Variants in SUGCT observed in about 807,000 individuals in gnomAD.
The protein encoded by SUGCT is succinyl-CoA:glutarate-CoA transferase.
A neutral mutation model predicts 55.0 loss-of-function variants in SUGCT; 41 were observed. The observed-to-expected ratio is 0.74, with a 90% CI of 0.58 to 0.97. SUGCT has a LOEUF of 0.97. Ranked by LOEUF, SUGCT falls within the 50% of genes least tolerant of loss-of-function variation. The pLI, the probability that SUGCT is intolerant of heterozygous loss-of-function variation, is 0.00. For synonymous variants in SUGCT, 187 were observed against 200.4 expected (o/e 0.93, Z 0.56); for missense variants, 568 against 547.8 (o/e 1.04, Z -0.37).
chr7:40,199,560 C>A (rs1015990353), intron 6 of SUGCT, among the ~76,000 whole-genome samples: 15 of 152,094 alleles, frequency 9.9e-5, no homozygotes, highest in Non-Finnish European at 8.8e-5. Context: ...AATGGTATTT[C>A]CCCTAACAAT....
chr7:40,252,215 G>C (rs4723939), intron 7 of SUGCT, among the ~76,000 whole-genome samples: 121,332 of 152,004 alleles, frequency 0.8, 48,685 homozygotes, highest in East Asian at 0.97. Context: ...GCAGCGTCGA[G>C]CTCCTGAGCT....
intron 12 of SUGCT, among the ~76,000 whole-genome samples, chr7:40,732,733 G>A (rs1786959956): frequency 6.6e-6 from 1 of 152,186 alleles, no homozygotes; most frequent in African/African-American, 2.4e-5. Flanking sequence ...TGGGTGTTGA[G>A]ATGTGATAGT....
At position 40,675,250 on chromosome 7, in the gene SUGCT, G is replaced by A. The variant is rs1471660412; in HGVS notation, c.1090-74184G>A. Among the ~76,000 whole-genome samples the A allele has an allele frequency of 9.2e-5, 14 of 151,920 alleles. 1 individual carries two copies. In the South Asian group the frequency reaches 1.7e-3, roughly 18 times the overall value. On this transcript the variant is annotated intron_variant, in intron 12 of 13. Coordinates refer to ENST00000335693, the MANE Select transcript of SUGCT (RefSeq NM_001193313.2). The stretch of plus-strand genomic sequence containing the variant: ...TAATTTTTGTATTTTTAGTAGAGAC[G>A]GGGTTTCCATGTTGGCCAGTCTAGT...
intron 11 of SUGCT, among the ~76,000 whole-genome samples, chr7:40,484,543 C>T (rs73689803): frequency 0.05 from 7,647 of 152,074 alleles, 324 homozygotes; most frequent in African/African-American, 0.11. Flanking sequence ...ATGAGTCTAC[C>T]CTACTGAATG....
At chr7:40,544,071 T>C (rs1358055362) in intron 12 of SUGCT, among the ~76,000 whole-genome samples, 3 of 151,970 alleles carry the variant, frequency 2.0e-5, no homozygotes, top group African/African-American at 7.2e-5. Flanking sequence ...TTGAGATCAG[T>C]TGACTACCAG....
At chr7:40,563,774 T>C (rs1294962879) in intron 12 of SUGCT, among the ~76,000 whole-genome samples, 9 of 151,936 alleles carry the variant, frequency 5.9e-5, no homozygotes, top group Admixed American at 5.9e-4. Context: ...AAGCCTCTTA[T>C]GGCTTTCTGC....
At chr7:40,737,493 A>C (rs1324066784) in intron 12 of SUGCT, among the ~76,000 whole-genome samples, 1 of 152,166 alleles carries the variant, frequency 6.6e-6, no homozygotes, top group Non-Finnish European at 1.5e-5. Context: ...ATATGAATAC[A>C]TATTGTTTTT....
chr7:40,237,579 C>T, intron 6 of SUGCT, 56 bp from the exon 7 acceptor site: 3 of 1,278,060 alleles, frequency 2.3e-6, no homozygotes, highest in Non-Finnish European at 3.4e-6. Context: ...CTATATTGTA[C>T]AGTGGTTTTA....
rs539244303 is a variant in SUGCT, at chr7:40,428,462, G to C, written c.817-20825G>C. ...GCTTATCCCCGTGTTTTCCTGTCTT[G>C]TTGTATTCCTTTGTGTTTAATTTAT... On this transcript the variant is annotated intron_variant, in intron 9 of 13. Coordinates refer to ENST00000335693, the MANE Select transcript of SUGCT (RefSeq NM_001193313.2). Among the ~76,000 whole-genome samples, 5 of 151,782 alleles carry C rather than the reference G, an allele frequency of 3.3e-5. No homozygotes were observed. The South Asian group carries it at 1.0e-3, about 32-fold the overall frequency.
At chr7:40,722,826 T>G (rs1786414561) in intron 12 of SUGCT, among the ~76,000 whole-genome samples, 2 of 152,226 alleles carry the variant, frequency 1.3e-5, no homozygotes, top group Non-Finnish European at 2.9e-5. Context: ...ATTTTCTTGG[T>G]CAATAAAATG....
intron 13 of SUGCT, among the ~76,000 whole-genome samples, chr7:40,813,310 T>C (rs566491836): frequency 5.3e-4 from 81 of 152,310 alleles, no homozygotes; most frequent in Middle Eastern, 3.4e-3. Flanking sequence ...CAGTGAGATG[T>C]TGAAGTTCCC....
chr7:40,773,788 G>C (rs1789310063), intron 13 of SUGCT, among the ~76,000 whole-genome samples: 1 of 152,166 alleles, frequency 6.6e-6, no homozygotes, highest in Non-Finnish European at 1.5e-5. Flanking sequence ...GGAGAAAGTT[G>C]AGGTCAAGCA....
chr7:40,644,362 A>T (rs1381025223), intron 12 of SUGCT, among the ~76,000 whole-genome samples: 1 of 152,278 alleles, frequency 6.6e-6, no homozygotes, highest in Admixed American at 6.5e-5. Context: ...GGCTGTGCCC[A>T]CAGCTACCCC....
At chr7:40,667,753 C>T (rs1801724599) in intron 12 of SUGCT, among the ~76,000 whole-genome samples, 1 of 151,964 alleles carries the variant, frequency 6.6e-6, no homozygotes, top group African/African-American at 2.4e-5. Flanking sequence ...TCCTAATAGT[C>T]TCTGAGGATC....
At chr7:41,013,513 G>A in the SUGCT span, among the ~76,000 whole-genome samples, 3 of 152,130 alleles carry the variant, frequency 2.0e-5, no homozygotes, top group Non-Finnish European at 4.4e-5. Context: ...GGACATAGAC[G>A]AAAATATAGT....
At chr7:40,823,827 C>T (rs1279893035) in intron 13 of SUGCT, among the ~76,000 whole-genome samples, 1 of 152,120 alleles carries the variant, frequency 6.6e-6, no homozygotes, top group Non-Finnish European at 1.5e-5. Context: ...AAGAGAAGGG[C>T]CTGGCATCAC....
At chr7:40,585,412 T>C (rs1040525661) in intron 12 of SUGCT, among the ~76,000 whole-genome samples, 2 of 152,200 alleles carry the variant, frequency 1.3e-5, no homozygotes, top group African/African-American at 4.8e-5. Context: ...CATTCAAGGT[T>C]TGGACTTTAA....
chr7:40,473,166 C>T (rs961900313), intron 11 of SUGCT, among the ~76,000 whole-genome samples: 6 of 152,072 alleles, frequency 3.9e-5, no homozygotes, highest in African/African-American at 1.4e-4. Context: ...CATAAGTAGC[C>T]GAATCCACTA....
chr7:40,194,687 A>G (rs1168205420), intron 5 of SUGCT, among the ~76,000 whole-genome samples: 1 of 152,220 alleles, frequency 6.6e-6, no homozygotes, highest in African/African-American at 2.4e-5. Context: ...CTAGATATTT[A>G]TTACATTTGA....
Sources: gnomAD v4.1 joint callset for allele counts (sites outside exome capture counted in the v4.1 genomes callset) on GRCh38, gnomAD v4.1.1 for gene constraint, MANE v1.5 for transcripts, NCBI Gene and HGNC (gene_info 2026-07-23, HGNC 2026-07-21) for gene names.